The following OFD1 variants were observed in gnomAD, a reference collection of about 807,000 sequenced individuals.
The protein encoded by OFD1 is centriole and centriolar satellite protein OFD1.
OFD1 carries 12 observed loss-of-function variants against 81.4 expected under a neutral mutation model. The ratio of observed to expected loss-of-function variants is 0.15; its 90% CI spans 0.09 to 0.24. The LOEUF is 0.24. OFD1 is among the 10% of genes least tolerant of loss of function. The probability of loss-of-function intolerance (pLI) is 1.00; values close to 1 mark genes in which losing one functional copy is unlikely to be tolerated. For synonymous variants in OFD1, 256 were observed against 263.7 expected, an observed-to-expected ratio of 0.97 and a Z score of 0.28; for missense variants, 685 against 733.9, an observed-to-expected ratio of 0.93 and a Z score of 0.77.
chrX:13,743,140 C>T (rs193280191), intron 5 of OFD1, among the ~76,000 whole-genome samples: 2 of 112,394 alleles, frequency 1.8e-5, no homozygotes, highest in East Asian at 2.8e-4. Flanking sequence ...TCTAATCTCA[C>T]GCTCCACTGA....
the OFD1 span, among the ~76,000 whole-genome samples, chrX:13,723,028 G>A: frequency 9.3e-6 from 1 of 107,066 alleles, no homozygotes; most frequent in Admixed American, 9.9e-5. Context: ...CCGGGAGGCG[G>A]AGCTTGCAGT....
At position 13,738,834 on chromosome X, in the gene OFD1, T is replaced by G. The variant is rs759459710; in HGVS notation, c.313-12T>G. 1 of 1,063,753 alleles carries G rather than the reference T, an allele frequency of 9.4e-7. No individual in the cohort carries two copies. The allele number at this position is 1,063,753 out of a possible 1,213,427, so 87.7% of individuals were successfully genotyped here. A position where few individuals can be genotyped will look rare whatever the true frequency, so the allele number is the denominator to read the frequency against. On this transcript the variant is annotated splice_polypyrimidine_tract_variant and intron_variant, in intron 3 of 22. Coordinates refer to ENST00000340096, the MANE Select transcript of OFD1 (RefSeq NM_003611.3). ...AAAAATATGTCTACTTAGTAACCTA[T>G]TTTTTCTTAAGGTATTTACTATGCA...
In OFD1 at chrX:13,739,561, C is replaced by T. The variant is rs2047007582; in HGVS notation, c.412+529C>T. ...GGGAGTTCGAGATCAGCCTGACCAA[C>T]CTGGAGAAACCCCGTTTCTACTAAA... On this transcript the variant is annotated intron_variant, in intron 5 of 22. Transcript: ENST00000340096. Among the ~76,000 whole-genome samples the T allele has an allele frequency of 2.7e-5, 3 of 111,242 alleles. No individual in the cohort carries two copies. In the South Asian group the frequency reaches 1.1e-3, roughly 42 times the overall value.
At chrX:13,728,902 G>C in the OFD1 span, among the ~76,000 whole-genome samples, 1,153 of 112,192 alleles carry the variant, frequency 0.01, 14 homozygotes, top group African/African-American at 0.035. Flanking sequence ...CTTCAGCAAA[G>C]TCGCAGGATA....
intron 9 of OFD1, among the ~76,000 whole-genome samples, chrX:13,750,340 T>C (rs1243119341): frequency 2.7e-5 from 3 of 111,869 alleles, no homozygotes; most frequent in Non-Finnish European, 3.8e-5. Flanking sequence ...TCTCAGCATA[T>C]AAACTAAATA....
intron 3 of OFD1, chrX:13,738,552 C>A: frequency 4.9e-6 from 1 of 205,449 alleles, no homozygotes; most frequent in Non-Finnish European, 8.9e-6. Flanking sequence ...ATTGGTTCAT[C>A]AGATATTTCA....
At chrX:13,761,058 C>G (rs145619303) in intron 16 of OFD1, 27 bp from the exon 17 acceptor site, 2 of 1,208,527 alleles carry the variant, frequency 1.7e-6, no homozygotes, top group East Asian at 5.9e-5. Context: ...TGGTAATATT[C>G]TTGCCTTGGT....
At chrX:13,772,265 A>G (rs1245581966), downstream of OFD1, 2 of 112,374 alleles carry the variant, frequency 1.8e-5, no homozygotes, top group African/African-American at 6.5e-5. Context: ...AATTGTAGCT[A>G]ATTTTAGCAT....
At chrX:13,762,473 A>G (rs373470025) in intron 18 of OFD1, 29 bp downstream of exon 18, 3 of 929,972 alleles carry the variant, frequency 3.2e-6, no homozygotes, top group Non-Finnish European at 4.7e-6. Flanking sequence ...ACCAGTTTTT[A>G]TATGTTGAAA....
At chrX:13,767,309 G>A (rs1362492856) in intron 20 of OFD1, 25 bp downstream of exon 20, 1 of 1,202,490 alleles carries the variant, frequency 8.3e-7, no homozygotes, top group Admixed American at 2.2e-5. Context: ...TTGATTCTCT[G>A]AACTGGTTGC....
At chrX:13,717,184 G>A in the OFD1 span, among the ~76,000 whole-genome samples, 6 of 110,803 alleles carry the variant, frequency 5.4e-5, no homozygotes, top group Admixed American at 2.9e-4. Flanking sequence ...TTGAAATGGC[G>A]CTTATAACGG....
chrX:13,737,328 T>C (rs772460814), intron 3 of OFD1, among the ~76,000 whole-genome samples: 85 of 111,049 alleles, frequency 7.7e-4, no homozygotes, highest in Non-Finnish European at 1.3e-3. Flanking sequence ...AGTACTACTT[T>C]ATTATTTTAA....
At chrX:13,757,571 A>T (rs1247479726) in intron 13 of OFD1, 89 bp from the exon 14 acceptor site, 2 of 999,501 alleles carry the variant, frequency 2.0e-6, no homozygotes, top group African/African-American at 3.8e-5. Flanking sequence ...AGAACACTTT[A>T]AAACCCCTTT....
At chrX:13,724,246 G>A in the OFD1 span, among the ~76,000 whole-genome samples, 16 of 110,425 alleles carry the variant, frequency 1.4e-4, no homozygotes, top group East Asian at 4.5e-3. Flanking sequence ...GATACAAAGA[G>A]CTCTCTGACT....
the OFD1 span, among the ~76,000 whole-genome samples, chrX:13,726,567 T>G: frequency 9.0e-6 from 1 of 111,701 alleles, no homozygotes; most frequent in Non-Finnish European, 1.9e-5. Context: ...AGAGATTTTG[T>G]CACCACCAGG....
chrX:13,725,193 G>A, the OFD1 span, among the ~76,000 whole-genome samples: 5 of 113,199 alleles, frequency 4.4e-5, no homozygotes, highest in Non-Finnish European at 7.5e-5. Flanking sequence ...AAAGGCAGCA[G>A]ACAACTTCTG....
At chrX:13,720,064 T>G in the OFD1 span, 1 of 723,760 alleles carries the variant, frequency 1.4e-6, no homozygotes, top group South Asian at 4.1e-5. Context: ...TAGAATTCTT[T>G]TTTAAATTTA....
At chrX:13,751,065 A>G (rs943854519) in intron 9 of OFD1, among the ~76,000 whole-genome samples, 184 bp from the exon 10 acceptor site, 1 of 111,911 alleles carries the variant, frequency 8.9e-6, no homozygotes, top group Admixed American at 9.5e-5. Context: ...TGCTAGTTTC[A>G]ATATGCTGTA....
downstream of OFD1, among the ~76,000 whole-genome samples, chrX:13,769,899 A>AAAT (rs2048268727): frequency 8.9e-6 from 1 of 112,105 alleles, no homozygotes; most frequent in Non-Finnish European, 1.9e-5. Flanking sequence ...AAACTGTAAG[A>AAAT]AATACATTTC....
Sources: allele counts gnomAD v4.1 joint callset (sites outside exome capture counted in the v4.1 genomes callset), GRCh38; gene constraint gnomAD v4.1.1; transcripts MANE v1.5; gene names NCBI Gene and HGNC (gene_info 2026-07-23, HGNC 2026-07-21).